SCG3: variants seen among roughly 807,000 people sequenced by gnomAD.
SCG3 encodes secretogranin III, also known as secretogranin-3.
In SCG3, 38 loss-of-function variants were observed where a neutral mutation model predicts 56.2. The ratio of observed to expected loss-of-function variants is 0.68; its 90% CI spans 0.52 to 0.89. SCG3 has a LOEUF of 0.89. Ranked by LOEUF, SCG3 falls within the 40% of genes least tolerant of loss-of-function variation. The probability of loss-of-function intolerance (pLI) is 0.00; values close to 1 mark genes in which losing one functional copy is unlikely to be tolerated. For synonymous variants in SCG3, 176 were observed against 184.2 expected (o/e 0.96, Z 0.36); for missense variants, 524 against 540.7 (o/e 0.97, Z 0.31).
At chr15:51,696,973 T>C (rs1160296578) in intron 8 of SCG3, among the ~76,000 whole-genome samples, 3 of 152,182 alleles carry the variant, frequency 2.0e-5, no homozygotes, top group Admixed American at 6.5e-5. Context: ...TCATTTTTTT[T>C]CTAAATGAAA....
intron 10 of SCG3, among the ~76,000 whole-genome samples, chr15:51,705,536 T>TTC (rs1555458036): frequency 6.6e-6 from 1 of 151,224 alleles, no homozygotes; most frequent in African/African-American, 2.4e-5. Flanking sequence ...TTTTTTTTTT[T>TTC]CCCGAGACAG....
chr15:51,681,977 G>A, intron 1 of SCG3, 140 bp downstream of exon 1: 1 of 635,862 alleles, frequency 1.6e-6, no homozygotes, highest in East Asian at 2.9e-5. Context: ...AGAGAAATCA[G>A]TTCGAATTTA....
intron 2 of SCG3, 81 bp from the exon 3 acceptor site, chr15:51,682,998 G>A (rs754212038): frequency 1.7e-5 from 18 of 1,086,382 alleles, no homozygotes; most frequent in African/African-American, 1.6e-5. Flanking sequence ...ATCCCATGGA[G>A]ATTAAATCAT....
At chr15:51,715,670 C>T (rs2055449900) in intron 11 of SCG3, among the ~76,000 whole-genome samples, 1 of 152,206 alleles carries the variant, frequency 6.6e-6, no homozygotes, top group South Asian at 2.1e-4. Flanking sequence ...TGTCTCCTAA[C>T]CCCCAGCTAG....
Position 51,720,674 on chromosome 15 carries a change from A to G in SCG3, c.*1148A>G, listed in dbSNP as rs1270758773. Reference sequence around the variant, plus strand: ...CCTGGGTCGAGTGGGGCCTTGGAGAACTTTTCTGTCTTACAAGAGGATTGT... The same window carrying G: ...CCTGGGTCGAGTGGGGCCTTGGAGAGCTTTTCTGTCTTACAAGAGGATTGT... On this transcript the variant is annotated 3_prime_UTR_variant, in exon 12 of 12. Transcript: ENST00000220478. The G allele has an allele frequency of 6.6e-6, 1 of 152,262 alleles. No homozygotes were observed. Among genetic ancestry groups the G allele is most frequent in the Non-Finnish European group, 1.5e-5 (1 of 68,078 alleles). The allele number at this position is 152,262 out of a possible 1,614,324, so 9.4% of individuals were successfully genotyped here. A position where few individuals can be genotyped will look rare whatever the true frequency, so the allele number is the denominator to read the frequency against.
intron 5 of SCG3, among the ~76,000 whole-genome samples, 200 bp from the exon 6 acceptor site, chr15:51,689,019 G>A (rs994397738): frequency 7.9e-5 from 12 of 152,152 alleles, no homozygotes; most frequent in Non-Finnish European, 1.6e-4. Context: ...TGGTGGGCCC[G>A]AAGATACTTC....
chr15:51,688,606 C>T (rs747130794), intron 5 of SCG3, among the ~76,000 whole-genome samples: 16 of 152,130 alleles, frequency 1.1e-4, no homozygotes, highest in African/African-American at 2.2e-4. Flanking sequence ...AGTAGACACA[C>T]GCCCAAAATG....
At position 51,709,210 on chromosome 15, in the gene SCG3, C is replaced by G. The variant is rs115209760; in HGVS notation, c.1208-4123C>G. Among the ~76,000 whole-genome samples the G allele has an allele frequency of 3.9e-3, 600 of 152,248 alleles. 4 individuals carry two copies. The highest frequency in any genetic ancestry group is 0.014 in the African/African-American group (582 of 41,542). Reference sequence around the variant, plus strand: ...TGAGCAAATGGGGAAAAGCCCCTTACGTAACCATCTGATCTTGTGAGAACT... The same window carrying G: ...TGAGCAAATGGGGAAAAGCCCCTTAGGTAACCATCTGATCTTGTGAGAACT... On this transcript the variant is annotated intron_variant, in intron 10 of 11. Transcript: ENST00000220478.
At position 51,681,658 on chromosome 15, in the gene SCG3, C is replaced by T; in HGVS notation, c.-98C>T. Reference sequence around the variant, plus strand: ...CCTCTCCCGCCCCACACCCACCCTCCTGGCTCTTCCTGTTTTTACTCCTCC... The same window carrying T: ...CCTCTCCCGCCCCACACCCACCCTCTTGGCTCTTCCTGTTTTTACTCCTCC... On this transcript the variant is annotated 5_prime_UTR_variant, in exon 1 of 12. Transcript: ENST00000220478. 1.3e-6 allele frequency: 1 copy of T among 754,784 alleles called. No individual in the cohort carries two copies. 46.8% of individuals were successfully genotyped at this position (754,784 alleles called of 1,614,324 possible). A position where few individuals can be genotyped will look rare whatever the true frequency, so the allele number is the denominator to read the frequency against.
chr15:51,691,714 A>G (rs2055267899), intron 6 of SCG3, among the ~76,000 whole-genome samples: 1 of 152,216 alleles, frequency 6.6e-6, no homozygotes, highest in Admixed American at 6.5e-5. Context: ...ACTTTACCCA[A>G]AAATTCCCAG....
chr15:51,689,165 T>TTTTTTTTTTTTTTTTTTTTTTGAGACGG (rs2055249767), intron 5 of SCG3, 54 bp from the exon 6 acceptor site: 1 of 1,560,582 alleles, frequency 6.4e-7, no homozygotes, highest in African/African-American at 1.4e-5. Flanking sequence ...CATTATTTTT[T>TTTTTTTTTTTTTTTTTTTTTTGAGACGG]AATAACAAGA....
At chr15:51,699,936 C>T (rs1286504141) in intron 9 of SCG3, among the ~76,000 whole-genome samples, 1 of 152,104 alleles carries the variant, frequency 6.6e-6, no homozygotes, top group Non-Finnish European at 1.5e-5. Context: ...GGGAACTGAG[C>T]TATGGAAAGG....
At chr15:51,684,183 T>C (rs750756788) in intron 4 of SCG3, among the ~76,000 whole-genome samples, 14 of 152,174 alleles carry the variant, frequency 9.2e-5, no homozygotes, top group Non-Finnish European at 2.1e-4. Flanking sequence ...ACTTACTAAT[T>C]TTATGTCTGT....
At chr15:51,688,608 C>T (rs1322624741) in intron 5 of SCG3, among the ~76,000 whole-genome samples, 1 of 151,970 alleles carries the variant, frequency 6.6e-6, no homozygotes, top group Non-Finnish European at 1.5e-5. Flanking sequence ...TAGACACACG[C>T]CCAAAATGCC....
intron 11 of SCG3, among the ~76,000 whole-genome samples, chr15:51,715,625 C>G (rs188590902): frequency 6.6e-6 from 1 of 152,248 alleles, no homozygotes; most frequent in African/African-American, 2.4e-5. Flanking sequence ...AACCTTAAAA[C>G]TTCTTTTAAG....
intron 10 of SCG3, among the ~76,000 whole-genome samples, chr15:51,712,752 T>C (rs1037174238): frequency 6.6e-6 from 1 of 152,172 alleles, no homozygotes; most frequent in African/African-American, 2.4e-5. Flanking sequence ...GGGAGTTTTA[T>C]TAGAGCCAGT....
At chr15:51,709,304 C>T (rs2055396517) in intron 10 of SCG3, among the ~76,000 whole-genome samples, 1 of 152,040 alleles carries the variant, frequency 6.6e-6, no homozygotes, top group African/African-American at 2.4e-5. Context: ...CCTACTGGGT[C>T]CCTCCCATGA....
chr15:51,703,401 A>G (rs984243642), intron 10 of SCG3, among the ~76,000 whole-genome samples: 2 of 152,176 alleles, frequency 1.3e-5, no homozygotes, highest in African/African-American at 2.4e-5. Context: ...TCCTTTTTAT[A>G]TTACTATTAC....
rs1021758987 is a variant in SCG3 at position 51,713,148 on chromosome 15, C to A, written c.1208-185C>A. On this transcript the variant is annotated intron_variant, in intron 10 of 11. Coordinates refer to ENST00000220478, the MANE Select transcript of SCG3 (RefSeq NM_013243.4). ...CCTCATCCGCACCTGCTCTCCTTGA[C>A]CTAAACCCCTCAACACACAAACACA... is the stretch of plus-strand genomic sequence containing the variant. 34 of 412,936 alleles carry A rather than the reference C, an allele frequency of 8.2e-5. No homozygotes were observed. The Admixed American group carries it at 1.1e-3, about 13-fold the overall frequency. 25.6% of individuals were successfully genotyped at this position (412,936 alleles called of 1,614,324 possible). A position where few individuals can be genotyped will look rare whatever the true frequency, so the allele number is the denominator to read the frequency against.
Sources: allele counts gnomAD v4.1 joint callset (sites outside exome capture counted in the v4.1 genomes callset), GRCh38; gene constraint gnomAD v4.1.1; transcripts MANE v1.5; gene names NCBI Gene and HGNC (gene_info 2026-07-23, HGNC 2026-07-21).